The following ACAD8 variants were observed in gnomAD, a reference collection of about 807,000 sequenced individuals.
The protein encoded by ACAD8 is acyl-CoA dehydrogenase family member 8.
Under a neutral mutation model 53.1 loss-of-function variants are expected in ACAD8, and 47 were observed. The observed-to-expected ratio is 0.89, with a 90% CI of 0.70 to 1.13. The LOEUF (loss-of-function observed/expected upper bound fraction) is 1.13, where lower values mean the gene tolerates loss of function less well. Ranked by LOEUF, ACAD8 falls within the 50% of genes most tolerant of loss-of-function variation. The pLI is 0.00. For missense variants in ACAD8, 494 were observed against 535.0 expected, an observed-to-expected ratio of 0.92 and a Z score of 0.76; for synonymous variants, 198 against 201.3, an observed-to-expected ratio of 0.98 and a Z score of 0.14.
At chr11:134,264,770 C>T in intron 10 of ACAD8, 138 bp from the exon 11 acceptor site, 2 of 806,018 alleles carry the variant, frequency 2.5e-6, no homozygotes, top group Non-Finnish European at 4.5e-6. Context: ...ATAATCTCAT[C>T]TCTCCCAGGC....
intron 3 of ACAD8, among the ~76,000 whole-genome samples, chr11:134,257,582 A>C (rs1481691804): frequency 6.6e-6 from 1 of 151,944 alleles, no homozygotes; most frequent in South Asian, 2.1e-4. Flanking sequence ...CTGAGGCAGG[A>C]GGATGGTGTG....
chr11:134,257,706 G>T (rs537449617), intron 3 of ACAD8: 28 of 252,926 alleles, frequency 1.1e-4, no homozygotes, highest in Non-Finnish European at 1.8e-4. Flanking sequence ...GTACACGCTA[G>T]GTCTGTTGCT....
At chr11:134,258,661 GA>G in intron 4 of ACAD8, 37 bp downstream of exon 4, 10 of 1,470,482 alleles carry the variant, frequency 6.8e-6, no homozygotes, top group Non-Finnish European at 9.5e-6. Context: ...ATAGCAGGGA[GA>G]GATGCTTCCT....
At chr11:134,255,174 T>C (rs1344089940) in intron 1 of ACAD8, among the ~76,000 whole-genome samples, 1 of 152,214 alleles carries the variant, frequency 6.6e-6, no homozygotes, top group Non-Finnish European at 1.5e-5. Context: ...TCTCTTTCTG[T>C]TGCCCAGGCT....
At chr11:134,264,791 G>A (rs2136086731) in intron 10 of ACAD8, 117 bp from the exon 11 acceptor site, 1 of 875,732 alleles carries the variant, frequency 1.1e-6, no homozygotes, top group Non-Finnish European at 2.0e-6. Context: ...TAAAAGCAAT[G>A]ATTGTAGTTT....
chr11:134,253,617 G>T lies in ACAD8; in HGVS notation c.17G>T (p.Cys6Phe). The change falls in exon 1 of 11, where the codon TGC (cysteine) becomes TTC (phenylalanine). Residue 6 changes from cysteine to phenylalanine, a missense_variant. Coordinates refer to ENST00000281182, the MANE Select transcript of ACAD8 (RefSeq NM_014384.3). MLWSG[C>F]RRFGARLGCL... Reference sequence around the variant, plus strand: ...GCGGCGGCTATGCTGTGGAGCGGCTGCCGGCGTTTCGGGGCGCGCCTCGGC... The same window carrying T: ...GCGGCGGCTATGCTGTGGAGCGGCTTCCGGCGTTTCGGGGCGCGCCTCGGC... 3 of 1,582,344 alleles carry T rather than the reference G, an allele frequency of 1.9e-6. No homozygotes were observed. The highest frequency in any genetic ancestry group is 2.6e-6 in the Non-Finnish European group (3 of 1,167,534).
At chr11:134,253,769 G>A in intron 1 of ACAD8, 60 bp downstream of exon 1, 4 of 1,472,410 alleles carry the variant, frequency 2.7e-6, no homozygotes, top group Non-Finnish European at 2.8e-6. Context: ...ACATATGTCC[G>A]CGAGGGGCTG....
At position 134,261,466 on chromosome 11, in the gene ACAD8, CCT is replaced by C. The variant is rs1939877899; in HGVS notation, c.939+97_939+98del. The C allele has an allele frequency of 7.2e-6, 11 of 1,522,166 alleles. No individual in the cohort carries two copies. In the East Asian group the frequency reaches 2.5e-4, roughly 34 times the overall value. The allele number at this position is 1,522,166 out of a possible 1,614,324, so 94.3% of individuals were successfully genotyped here. On this transcript the variant is annotated intron_variant, in intron 8 of 10. Coordinates refer to ENST00000281182, the MANE Select transcript of ACAD8 (RefSeq NM_014384.3). This position sits in a 1 kb window ranked among gnomAD's most constrained non-coding sequence, Gnocchi z 4.2. ...TTTCCAGGAGAGAAGCCAGGAAATT[CCT>C]CTGTCAGTCCCACCACTGTCCTAGC...
At position 134,262,568 on chromosome 11, in the gene ACAD8, G is replaced by T; in HGVS notation, c.1141G>T (p.Asp381Tyr). 6.2e-7 allele frequency: 1 copy of T among 1,614,116 alleles called. No homozygotes were observed. Among genetic ancestry groups the T allele is most frequent in the East Asian group, 2.2e-5 (1 of 44,876 alleles). ...GCACGGGGGCTACGGCTACCTGAAG[G>T]ATTACGCTGTTCAGCAGTACGTGCG... ...QMHGGYGYLKDYAVQQYVRDS... is the reference protein window; with the variant it reads ...QMHGGYGYLKYYAVQQYVRDS... Residue 381 changes from aspartate to tyrosine, a missense_variant, in exon 10 of 11, where the codon GAT becomes TAT. Coordinates refer to ENST00000281182, the MANE Select transcript of ACAD8 (RefSeq NM_014384.3).
In ACAD8 at chr11:134,263,877, G is replaced by T. The variant is rs371207659; in HGVS notation, c.1196-1031G>T. The T allele has an allele frequency of 4.1e-6, 4 of 985,380 alleles. No individual in the cohort carries two copies. The South Asian group carries it at 1.9e-4, about 46-fold the overall frequency. 61.0% of individuals were successfully genotyped at this position (985,380 alleles called of 1,614,324 possible). On this transcript the variant is annotated intron_variant, in intron 10 of 10. Coordinates refer to ENST00000281182, the MANE Select transcript of ACAD8 (RefSeq NM_014384.3). ...CTACAGTTTATGCTTTATTTGAGAC[G>T]ATGTGACTACTGATTCCTCGAGGGG... is the stretch of plus-strand genomic sequence containing the variant.
chr11:134,259,978 G>A, intron 6 of ACAD8: 2 of 1,374,754 alleles, frequency 1.5e-6, no homozygotes, highest in Non-Finnish European at 1.9e-6. Flanking sequence ...AGCCACCTGT[G>A]AGTGTTCTGA....
Position 134,259,030 on chromosome 11 carries a change from T to A in ACAD8, c.513T>A (p.Ser171=). 6.2e-7 allele frequency: 1 copy of A among 1,614,182 alleles called. No homozygotes were observed. Among genetic ancestry groups the A allele is most frequent in the African/African-American group, 1.3e-5 (1 of 75,044 alleles). ...CAGGAAGTGGGAGTGATGCTGCCTC[T>A]CTTCTGACCTCCGCTAAGAAACAGG... ...TEPGSGSDAA[S]LLTSAKKQGD... Residue 171 remains serine (S), a synonymous_variant, in exon 5 of 11, where the codon TCT becomes TCA. Transcript: ENST00000281182.
rs760294624 is a variant in ACAD8 at position 134,261,923 on chromosome 11, C to G, written c.1092+33C>G. On this transcript the variant is annotated intron_variant, in intron 9 of 10. Transcript: ENST00000281182. The surrounding 1 kb of genome is among the most constrained non-coding windows in gnomAD (Gnocchi z 4.2). The stretch of plus-strand genomic sequence containing the variant: ...ATTCCTCTGGCTCTCCTGGGATGGA[C>G]AGGGAACAGCTGCTAGGCCCAGGGG... The G allele has an allele frequency of 1.2e-6, 2 of 1,611,862 alleles. No individual in the cohort carries two copies. The highest frequency in any genetic ancestry group is 1.7e-6 in the Non-Finnish European group (2 of 1,179,790).
At chr11:134,260,256 A>G (rs1939804528) in intron 6 of ACAD8, 1 of 1,020,804 alleles carries the variant, frequency 9.8e-7, no homozygotes, top group African/African-American at 1.7e-5. Context: ...AAGAGCCGCC[A>G]TGGCCAGGGC....
rs1246888184 is a variant in ACAD8 at position 134,261,132 on chromosome 11, G to T, written c.794G>T (p.Gly265Val). 3 of 1,612,136 alleles carry T rather than the reference G, an allele frequency of 1.9e-6. No individual in the cohort carries two copies. In the African/African-American group the frequency reaches 4.0e-5, roughly 22 times the overall value. The change falls in exon 7 of 11, where the codon GGC (glycine) becomes GTC (valine). Residue 265 changes from glycine (G) to valine (V), a missense_variant. Gly to Val is a moderately radical substitution (Grantham distance 109). Transcript: ENST00000281182. This position sits in a 1 kb window ranked among gnomAD's most constrained non-coding sequence, Gnocchi z 4.2. ...AACAGAATTGGGAGCGAGGGGCAGG[G>T]CTTCCTCATTGCCGTGAGAGGACTG... ...VANRIGSEGQ[G>V]FLIAVRGLNG...
chr11:134,255,475 G>T (rs887709851), intron 1 of ACAD8, among the ~76,000 whole-genome samples: 8 of 152,270 alleles, frequency 5.3e-5, no homozygotes, highest in Admixed American at 3.9e-4. Flanking sequence ...CTGCTACCTA[G>T]TAAACACCCA....
In ACAD8 at chr11:134,259,628, T is replaced by G; in HGVS notation, c.588T>G (p.Gly196=). ...NGSKAFISGA[G]ESDIYVVMCR... ...CACAGGCCTTCATCAGTGGTGCTGGTGAGTCAGACATCTATGTGGTCATGT... is the reference window on the plus strand; with the variant it reads ...CACAGGCCTTCATCAGTGGTGCTGGGGAGTCAGACATCTATGTGGTCATGT... The change falls in exon 6 of 11, where the codon GGT becomes GGG. Residue 196 remains glycine (G), a synonymous_variant. Transcript: ENST00000281182. 1 of 1,614,200 alleles carries G rather than the reference T, an allele frequency of 6.2e-7. No individual in the cohort carries two copies. The highest frequency in any genetic ancestry group is 1.3e-5 in the African/African-American group (1 of 75,056).
At chr11:134,254,342 T>C (rs1384523378) in intron 1 of ACAD8, among the ~76,000 whole-genome samples, 1 of 152,144 alleles carries the variant, frequency 6.6e-6, no homozygotes, top group Non-Finnish European at 1.5e-5. Context: ...AAATAATTAT[T>C]ATTGCCAGTG....
rs1413246308 is a variant in ACAD8, at chr11:134,265,113, A to T, written c.*153A>T. The T allele has an allele frequency of 3.7e-6, 3 of 800,470 alleles. No individual in the cohort carries two copies. Among genetic ancestry groups the T allele is most frequent in the Non-Finnish European group, 4.3e-6 (2 of 468,390 alleles). 49.6% of individuals were successfully genotyped at this position (800,470 alleles called of 1,614,324 possible). On this transcript the variant is annotated 3_prime_UTR_variant, in exon 11 of 11. Coordinates refer to ENST00000281182, the MANE Select transcript of ACAD8 (RefSeq NM_014384.3). ...CTGCACCCTGTGTGTTGGCACCAGC[A>T]TCGGGTCTTGGACTGGGGCAGAATC...
Sources: allele counts gnomAD v4.1 joint callset (sites outside exome capture counted in the v4.1 genomes callset), GRCh38; gene constraint gnomAD v4.1.1; non-coding constraint Gnocchi (gnomAD v3.1); transcripts MANE v1.5; gene names NCBI Gene and HGNC (gene_info 2026-07-23, HGNC 2026-07-21).